SDK1: variants seen among roughly 807,000 people sequenced by gnomAD.
SDK1 encodes sidekick cell adhesion molecule 1.
SDK1 carries 157 observed loss-of-function variants against 245.5 expected under a neutral mutation model. The observed-to-expected ratio is 0.64, with a 90% CI of 0.56 to 0.73. The LOEUF is 0.73. Ranked by LOEUF, SDK1 falls within the 30% of genes least tolerant of loss-of-function variation. The pLI is 0.00. For synonymous variants in SDK1, 1,647 were observed against 1,278.5 expected, an observed-to-expected ratio of 1.29 and a Z score of -6.15; for missense variants, 3,583 against 3,002.3, an observed-to-expected ratio of 1.19 and a Z score of -4.52.
Position 3,719,262 on chromosome 7 carries a change from T to A in SDK1, c.713+77157T>A, listed in dbSNP as rs1018746285. Among the ~76,000 whole-genome samples the A allele has an allele frequency of 2.7e-3, 401 of 146,498 alleles. 1 individual carries two copies. The highest frequency in any genetic ancestry group is 7.0e-3 in the Middle Eastern group (2 of 286). Reference sequence around the variant, plus strand: ...CAGAAAGGTTTTTTTTTTTTTTTTTTAAATATAGGTACTAGACCTAGACAG... The same window carrying A: ...CAGAAAGGTTTTTTTTTTTTTTTTTAAAATATAGGTACTAGACCTAGACAG... On this transcript the variant is annotated intron_variant, in intron 4 of 44. Coordinates refer to ENST00000404826, the MANE Select transcript of SDK1 (RefSeq NM_152744.4).
chr7:3,402,478 A>G (rs1042154329), intron 1 of SDK1, among the ~76,000 whole-genome samples: 3 of 152,196 alleles, frequency 2.0e-5, no homozygotes, highest in African/African-American at 4.8e-5. Flanking sequence ...ATGACTTCCC[A>G]TCTGTGGTAG....
intron 5 of SDK1, among the ~76,000 whole-genome samples, chr7:3,947,101 T>A (rs1780607477): frequency 6.6e-6 from 1 of 152,324 alleles, no homozygotes; most frequent in East Asian, 1.9e-4. Context: ...CCAAACAGTA[T>A]GTGTAGGCCT....
chr7:3,885,176 G>C (rs1045602122), intron 5 of SDK1, among the ~76,000 whole-genome samples: 1 of 152,144 alleles, frequency 6.6e-6, no homozygotes, highest in Non-Finnish European at 1.5e-5. Flanking sequence ...CTGTGGGTCC[G>C]AGAGGCCTTC....
chr7:4,135,910 G>T (rs907122350), intron 28 of SDK1, among the ~76,000 whole-genome samples: 8 of 152,216 alleles, frequency 5.3e-5, no homozygotes, highest in African/African-American at 1.7e-4. Context: ...TGCAGCAGTG[G>T]TGTGCTGCCT....
Position 3,327,757 on chromosome 7 carries a change from A to G in SDK1, c.298+25873A>G, listed in dbSNP as rs543753603. Among the ~76,000 whole-genome samples the G allele has an allele frequency of 3.3e-5, 5 of 152,228 alleles. No homozygotes were observed. The South Asian group carries it at 1.0e-3, about 32-fold the overall frequency. ...TTTATCCTACTTGATGTGAATATTC[A>G]TACATTTCTTTGCAGAAATAGTAAT... On this transcript the variant is annotated intron_variant, in intron 1 of 44. Transcript: ENST00000404826.
chr7:3,925,691 T>G (rs751327126), intron 5 of SDK1, among the ~76,000 whole-genome samples: 10 of 152,278 alleles, frequency 6.6e-5, no homozygotes, highest in South Asian at 4.1e-4. Context: ...GAAGAAATGC[T>G]AAAGAGAAGT....
chr7:4,023,210 C>A (rs1562685789), intron 17 of SDK1, among the ~76,000 whole-genome samples: 1 of 152,280 alleles, frequency 6.6e-6, no homozygotes, highest in Admixed American at 6.5e-5. Context: ...AACTTTCTAA[C>A]TTTCCTGACT....
intron 1 of SDK1, among the ~76,000 whole-genome samples, chr7:3,384,730 C>G (rs10277545): frequency 6.6e-6 from 1 of 152,042 alleles, no homozygotes; most frequent in African/African-American, 2.4e-5. Context: ...GCTGCACTTA[C>G]ACCTACGTGT....
rs185557852 is a variant in SDK1 at position 3,462,863 on chromosome 7, T to C, written c.299-156217T>C. 3.9e-5 allele frequency among the ~76,000 whole-genome samples: 6 copies of C among 152,346 alleles called. No individual in the cohort carries two copies. In the East Asian group the frequency reaches 9.6e-4, roughly 24 times the overall value. ...GTCTGGGACTCATGACATCGTGCTT[T>C]TGGGAAACAGAAGTGATATCATGTT... On this transcript the variant is annotated intron_variant, in intron 1 of 44. Transcript: ENST00000404826.
intron 5 of SDK1, among the ~76,000 whole-genome samples, chr7:3,870,475 C>T (rs75285862): frequency 0.05 from 7,666 of 152,124 alleles, 608 homozygotes; most frequent in African/African-American, 0.17. Context: ...TTCCTGTCTC[C>T]CACTGCTCCT....
intron 1 of SDK1, among the ~76,000 whole-genome samples, chr7:3,559,475 A>G (rs1324698701): frequency 6.6e-6 from 1 of 151,508 alleles, no homozygotes; most frequent in Non-Finnish European, 1.5e-5. Context: ...GAATGTTTCA[A>G]ATTTTTTTTT....
At chr7:3,423,772 G>C (rs186342692) in intron 1 of SDK1, among the ~76,000 whole-genome samples, 14 of 152,154 alleles carry the variant, frequency 9.2e-5, no homozygotes, top group African/African-American at 3.4e-4. Context: ...CAGTTTCTCT[G>C]CTTTGAAAAT....
chr7:4,178,352 C>G (rs1032746489), intron 34 of SDK1, 133 bp from the exon 35 acceptor site: 2 of 714,132 alleles, frequency 2.8e-6, no homozygotes, highest in Non-Finnish European at 5.0e-6. Flanking sequence ...GCAGGTATTT[C>G]ACAGATTTCT....
chr7:4,248,906 C>A (rs1171626668), intron 44 of SDK1, among the ~76,000 whole-genome samples: 1 of 152,108 alleles, frequency 6.6e-6, no homozygotes, highest in Non-Finnish European at 1.5e-5. Flanking sequence ...CACATGCATA[C>A]CACCATGCAC....
intron 41 of SDK1, among the ~76,000 whole-genome samples, chr7:4,236,760 G>A (rs1333106829): frequency 6.6e-6 from 1 of 152,134 alleles, no homozygotes; most frequent in African/African-American, 2.4e-5. Flanking sequence ...CAGGTGGAAT[G>A]TGAGTGCTGT....
chr7:3,475,650 TC>T (rs1781328832), intron 1 of SDK1, among the ~76,000 whole-genome samples: 1 of 152,284 alleles, frequency 6.6e-6, no homozygotes, highest in African/African-American at 2.4e-5. Flanking sequence ...GGCCAGGTTT[TC>T]CCCCTCCAGA....
At chr7:3,718,461 G>T (rs1166021968) in intron 4 of SDK1, among the ~76,000 whole-genome samples, 1 of 151,666 alleles carries the variant, frequency 6.6e-6, no homozygotes, top group Admixed American at 6.6e-5. Flanking sequence ...GGTTGAGGCT[G>T]CAGTGAGCCA....
intron 31 of SDK1, among the ~76,000 whole-genome samples, chr7:4,160,712 C>T (rs997178528): frequency 5.9e-5 from 9 of 152,274 alleles, no homozygotes; most frequent in Non-Finnish European, 7.3e-5. Context: ...GTAATGGCAC[C>T]GCTGTATCAC....
At chr7:3,376,021 T>C (rs755479684) in intron 1 of SDK1, among the ~76,000 whole-genome samples, 1 of 152,200 alleles carries the variant, frequency 6.6e-6, no homozygotes, top group African/African-American at 2.4e-5. Context: ...GGATTCTTAC[T>C]GAATTCTGCA....
Sources: gnomAD v4.1 joint callset for allele counts (sites outside exome capture counted in the v4.1 genomes callset) on GRCh38, gnomAD v4.1.1 for gene constraint, MANE v1.5 for transcripts, NCBI Gene and HGNC (gene_info 2026-07-23, HGNC 2026-07-21) for gene names.